VIT: variants seen among roughly 807,000 people sequenced by gnomAD.
VIT encodes the protein vitrin.
Under a neutral mutation model 78.0 loss-of-function variants are expected in VIT, and 99 were observed. The ratio of observed to expected loss-of-function variants is 1.27; its 90% CI spans 1.08 to 1.50. The LOEUF (loss-of-function observed/expected upper bound fraction) is 1.50, where lower values mean the gene tolerates loss of function less well. VIT is among the 40% of genes most tolerant of loss of function. The probability of loss-of-function intolerance (pLI) is 0.00; values close to 1 mark genes in which losing one functional copy is unlikely to be tolerated. For missense variants in VIT, 1,126 were observed against 875.3 expected (o/e 1.29, Z -3.61); for synonymous variants, 374 against 334.3 (o/e 1.12, Z -1.29).
At chr2:36,786,880 C>T (rs1572538396) in intron 11 of VIT, among the ~76,000 whole-genome samples, 1 of 152,214 alleles carries the variant, frequency 6.6e-6, no homozygotes, top group Admixed American at 6.5e-5. Context: ...GCTTCTGAAA[C>T]CCATAATTGT....
chr2:36,697,270 T>C (rs893940153), intron 1 of VIT, among the ~76,000 whole-genome samples: 13 of 152,248 alleles, frequency 8.5e-5, no homozygotes, highest in African/African-American at 3.1e-4. Flanking sequence ...GTATGACATT[T>C]GTGTAGAATT....
At chr2:36,779,393 A>G (rs895157264) in intron 9 of VIT, among the ~76,000 whole-genome samples, 2 of 152,256 alleles carry the variant, frequency 1.3e-5, no homozygotes, top group African/African-American at 4.8e-5. Context: ...CAAGCTCTCC[A>G]TAAACACCAA....
At chr2:36,711,193 A>G (rs570496225) in intron 1 of VIT, among the ~76,000 whole-genome samples, 19 of 152,300 alleles carry the variant, frequency 1.2e-4, no homozygotes, top group African/African-American at 3.8e-4. Flanking sequence ...GCTGAACATT[A>G]TCAAGTGTCT....
At chr2:36,725,454 C>G (rs1207430246) in intron 2 of VIT, among the ~76,000 whole-genome samples, 1 of 152,004 alleles carries the variant, frequency 6.6e-6, no homozygotes, top group Non-Finnish European at 1.5e-5. Context: ...ACAGAAGAGG[C>G]AAACTAGCTC....
At chr2:36,711,711 C>G (rs6730039) in intron 1 of VIT, among the ~76,000 whole-genome samples, 1 of 152,186 alleles carries the variant, frequency 6.6e-6, no homozygotes, top group Non-Finnish European at 1.5e-5. Flanking sequence ...TAGAAATGCA[C>G]ACGAAGTCGC....
intron 9 of VIT, among the ~76,000 whole-genome samples, chr2:36,777,626 G>A (rs962856127): frequency 2.6e-5 from 4 of 152,050 alleles, no homozygotes; most frequent in East Asian, 1.9e-4. Context: ...ACCTAAAGTC[G>A]CTGGGATTTT....
intron 6 of VIT, among the ~76,000 whole-genome samples, chr2:36,766,554 C>G (rs1284783908): frequency 6.6e-6 from 1 of 152,078 alleles, no homozygotes; most frequent in East Asian, 1.9e-4. Flanking sequence ...AATGTAGAAT[C>G]TGGATCATCC....
intron 4 of VIT, among the ~76,000 whole-genome samples, chr2:36,750,098 G>A (rs1668365415): frequency 6.6e-6 from 1 of 152,104 alleles, no homozygotes; most frequent in Admixed American, 6.5e-5. Flanking sequence ...AAAACGACAC[G>A]AAAAGCTGTT....
chr2:36,707,691 G>A (rs1023845967), intron 1 of VIT, among the ~76,000 whole-genome samples: 2 of 152,134 alleles, frequency 1.3e-5, no homozygotes, highest in South Asian at 2.1e-4. Flanking sequence ...AGGGGAAAAC[G>A]ATGCTCTGCG....
chr2:36,812,258 G>A (rs13417363), intron 15 of VIT, among the ~76,000 whole-genome samples: 27,568 of 152,004 alleles, frequency 0.18, 2,655 homozygotes, highest in South Asian at 0.35. Context: ...AGGTATGCAC[G>A]GCTCTCCCAG....
chr2:36,730,081 A>C (rs1304551486), intron 3 of VIT, among the ~76,000 whole-genome samples: 1 of 152,138 alleles, frequency 6.6e-6, no homozygotes, highest in African/African-American at 2.4e-5. Context: ...GGATCACTTG[A>C]AGTCAGGAGT....
intron 2 of VIT, among the ~76,000 whole-genome samples, chr2:36,720,987 G>T (rs1052356787): frequency 6.6e-6 from 1 of 150,930 alleles, no homozygotes; most frequent in Admixed American, 6.6e-5. Flanking sequence ...TCCAGCCCGG[G>T]CAACAACAGC....
chr2:36,771,937 G>A lies in VIT; in HGVS notation c.680-1854G>A, dbSNP rs1035718774. On this transcript the variant is annotated intron_variant, in intron 7 of 15. Transcript: ENST00000379242. ...TGGGAACCAATCTCATTTTTGCAACGTGTGTTGTACATGAGAGCATGTACA... is the reference window on the plus strand; with the variant it reads ...TGGGAACCAATCTCATTTTTGCAACATGTGTTGTACATGAGAGCATGTACA... Among the ~76,000 whole-genome samples, 5 of 152,276 alleles carry A rather than the reference G, an allele frequency of 3.3e-5. 1 individual carries two copies. Among genetic ancestry groups the A allele is most frequent in the South Asian group, 4.1e-4 (2 of 4,830 alleles).
intron 3 of VIT, among the ~76,000 whole-genome samples, chr2:36,733,791 T>A (rs1275775278): frequency 6.6e-6 from 1 of 152,184 alleles, no homozygotes; most frequent in East Asian, 1.9e-4. Context: ...TCTGGCCTCT[T>A]ATGTCTTACG....
chr2:36,794,732 T>C (rs187399378), intron 12 of VIT, among the ~76,000 whole-genome samples: 55 of 152,276 alleles, frequency 3.6e-4, no homozygotes, highest in African/African-American at 1.3e-3. Flanking sequence ...ATTTTAGCAA[T>C]CAGAAAGGGT....
At chr2:36,773,993 C>A in intron 8 of VIT, 146 bp downstream of exon 8, 2 of 692,262 alleles carry the variant, frequency 2.9e-6, no homozygotes, top group Non-Finnish European at 4.3e-6. Flanking sequence ...CTCAAGGGCC[C>A]AACTTCTAAG....
Position 36,808,806 on chromosome 2 carries a change from A to G in VIT, c.1724A>G (p.Asn575Ser). 1 of 1,614,106 alleles carries G rather than the reference A, an allele frequency of 6.2e-7. No individual in the cohort carries two copies. The highest frequency in any genetic ancestry group is 1.1e-5 in the South Asian group (1 of 91,072). ...DKYSSKPDIL[N>S]AIKRVGYWSG... is the part of the protein sequence containing the mutation. ...TACAGCAGCAAGCCTGACATCCTCA[A>G]CGCCATCAAGAGGGTGGGCTACTGG... Residue 575 changes from asparagine to serine, a missense_variant, in exon 15 of 16, where the codon AAC becomes AGC. Transcript: ENST00000379242.
At chr2:36,740,858 A>G (rs953279290) in intron 3 of VIT, among the ~76,000 whole-genome samples, 3 of 152,226 alleles carry the variant, frequency 2.0e-5, no homozygotes, top group Admixed American at 1.3e-4. Flanking sequence ...TGCATGTAAT[A>G]TGTGCACCCA....
chr2:36,770,403 CAGG>C (rs1669676633), intron 7 of VIT, among the ~76,000 whole-genome samples: 1 of 152,178 alleles, frequency 6.6e-6, no homozygotes, highest in Non-Finnish European at 1.5e-5. Context: ...AAGTACATAG[CAGG>C]AAGACACAGG....
Sources: gnomAD v4.1 joint callset for allele counts (sites outside exome capture counted in the v4.1 genomes callset) on GRCh38, gnomAD v4.1.1 for gene constraint, MANE v1.5 for transcripts, NCBI Gene and HGNC (gene_info 2026-07-23, HGNC 2026-07-21) for gene names.